The following HNF4A variants were observed in gnomAD, a reference collection of about 807,000 sequenced individuals.
HNF4A encodes the protein hepatocyte nuclear factor 4 alpha.
HNF4A carries 15 observed loss-of-function variants against 52.4 expected under a neutral mutation model. The observed-to-expected ratio is 0.29, with a 90% confidence interval of 0.19 to 0.44. The LOEUF (loss-of-function observed/expected upper bound fraction) is 0.44. Ranked by LOEUF, HNF4A falls within the 20% of genes least tolerant of loss-of-function variation. HNF4A has a pLI of 1.00. For missense variants in HNF4A, 479 were observed against 647.2 expected (o/e 0.74, Z 2.82); for synonymous variants, 280 against 264.4 (o/e 1.06, Z -0.57).
chr20:44,411,490 G>T (rs1264537898), intron 3 of HNF4A, among the ~76,000 whole-genome samples: 1 of 151,986 alleles, frequency 6.6e-6, no homozygotes, highest in African/African-American at 2.4e-5. Flanking sequence ...GCCCTGATGG[G>T]TGGGTGCGGG....
At chr20:44,394,265 T>C (rs2063332439) in intron 1 of HNF4A, among the ~76,000 whole-genome samples, 1 of 152,144 alleles carries the variant, frequency 6.6e-6, no homozygotes, top group Non-Finnish European at 1.5e-5. Context: ...TTCATTCCCA[T>C]GCTGGCTGGA....
At chr20:44,384,148 GC>G (rs2063190198) in intron 1 of HNF4A, among the ~76,000 whole-genome samples, 1 of 128,934 alleles carries the variant, frequency 7.8e-6, no homozygotes, top group Non-Finnish European at 1.7e-5. Flanking sequence ...ATCACGCCTG[GC>G]CCCTGGCTCC....
At chr20:44,422,496 T>C (rs1157400972) in intron 7 of HNF4A, among the ~76,000 whole-genome samples, 2 of 152,248 alleles carry the variant, frequency 1.3e-5, no homozygotes, top group South Asian at 2.1e-4. Context: ...ACTTCCTTTG[T>C]CCATGAAAGA....
intron 8 of HNF4A, among the ~76,000 whole-genome samples, chr20:44,427,351 T>C (rs948568450): frequency 2.0e-5 from 3 of 152,240 alleles, no homozygotes; most frequent in Non-Finnish European, 4.4e-5. Context: ...TTGTCTCATC[T>C]GTAGAATGGG....
intron 1 of HNF4A, among the ~76,000 whole-genome samples, chr20:44,356,679 T>C (rs908644005): frequency 1.3e-5 from 2 of 152,218 alleles, no homozygotes; most frequent in Non-Finnish European, 2.9e-5. Flanking sequence ...TACACACGCG[T>C]ATACGTGTAC....
chr20:44,428,046 A>G (rs558582410), intron 8 of HNF4A, among the ~76,000 whole-genome samples: 1 of 152,344 alleles, frequency 6.6e-6, no homozygotes, highest in African/African-American at 2.4e-5. Context: ...TATGTGACCA[A>G]TACACTACTC....
chr20:44,424,391 C>G (rs1421271690), intron 8 of HNF4A, 137 bp downstream of exon 8: 1 of 1,412,936 alleles, frequency 7.1e-7, no homozygotes, highest in African/African-American at 1.4e-5. Context: ...CTGTCTGTGC[C>G]TCAGTTTCCT....
intron 1 of HNF4A, among the ~76,000 whole-genome samples, chr20:44,387,793 G>T (rs1367009475): frequency 6.6e-6 from 1 of 151,994 alleles, no homozygotes; most frequent in Admixed American, 6.5e-5. Context: ...GTTGGCTGGG[G>T]TGGAGATGGA....
At chr20:44,412,648 C>T (rs1479536021) in intron 3 of HNF4A, among the ~76,000 whole-genome samples, 1 of 152,038 alleles carries the variant, frequency 6.6e-6, no homozygotes, top group African/African-American at 2.4e-5. Context: ...ACTGCAGGCG[C>T]AAGGCAGAAG....
intron 5 of HNF4A, among the ~76,000 whole-genome samples, chr20:44,416,474 C>T (rs979066442): frequency 2.0e-5 from 3 of 152,264 alleles, no homozygotes; most frequent in Admixed American, 2.0e-4. Flanking sequence ...GTGAAGGCCA[C>T]TGGAGTGACT....
chr20:44,429,978 C>G lies in HNF4A; in HGVS notation c.*313C>G, dbSNP rs1288080328. 2.6e-6 allele frequency: 1 copy of G among 384,866 alleles called. No homozygotes were observed. Among genetic ancestry groups the G allele is most frequent in the Non-Finnish European group, 4.7e-6 (1 of 210,614 alleles). 23.8% of individuals were successfully genotyped at this position (384,866 alleles called of 1,614,324 possible). On this transcript the variant is annotated 3_prime_UTR_variant, in exon 10 of 10. Coordinates refer to ENST00000316099, the MANE Select transcript of HNF4A (RefSeq NM_000457.6). ...CCCCCGACTTCATCCCAAAGGACAG[C>G]CGCCTGGAGATGACTTGAGGCCTTA...
chr20:44,416,460 C>T (rs185508890), intron 5 of HNF4A, among the ~76,000 whole-genome samples: 10 of 152,380 alleles, frequency 6.6e-5, no homozygotes, highest in Admixed American at 6.5e-4. Flanking sequence ...TTCCGCTTCG[C>T]GATGTGAAGG....
intron 1 of HNF4A, among the ~76,000 whole-genome samples, chr20:44,403,771 G>A (rs2063443470): frequency 6.6e-6 from 1 of 152,138 alleles, no homozygotes; most frequent in Admixed American, 6.5e-5. Flanking sequence ...ACACCAGGAA[G>A]CCACTTTTCC....
chr20:44,362,841 C>A (rs1369991711), intron 1 of HNF4A, among the ~76,000 whole-genome samples: 1 of 141,416 alleles, frequency 7.1e-6, no homozygotes, highest in Non-Finnish European at 1.6e-5. Context: ...TGACTCAATT[C>A]TCTTTTTTTT....
chr20:44,414,412 C>G (rs2063631089), intron 4 of HNF4A, 95 bp from the exon 5 acceptor site: 5 of 1,569,566 alleles, frequency 3.2e-6, no homozygotes, highest in Non-Finnish European at 4.4e-6. Flanking sequence ...GCCCCCTCCC[C>G]ACATCTGATT....
intron 8 of HNF4A, among the ~76,000 whole-genome samples, chr20:44,427,518 C>A (rs151077057): frequency 6.6e-6 from 1 of 152,160 alleles, no homozygotes; most frequent in South Asian, 2.1e-4. Flanking sequence ...CGCTTGCAAG[C>A]GTTGAAATTC....
intron 8 of HNF4A, among the ~76,000 whole-genome samples, chr20:44,427,873 A>G (rs146891791): frequency 1.3e-5 from 2 of 152,350 alleles, no homozygotes; most frequent in East Asian, 3.9e-4. Flanking sequence ...GAGCAGAAGC[A>G]TAGAGATAGA....
chr20:44,433,369 T>C (rs751607088), downstream of HNF4A: 1 of 156,010 alleles, frequency 6.4e-6, no homozygotes, highest in Non-Finnish European at 1.4e-5. Flanking sequence ...TTTTGTTTTG[T>C]TTTGTTTTTT....
chr20:44,414,700 T>C (rs781177868), intron 5 of HNF4A, 38 bp downstream of exon 5: 2 of 1,572,266 alleles, frequency 1.3e-6, no homozygotes, highest in East Asian at 2.3e-5. Context: ...TAGTGGGCAG[T>C]GGGCGGGGCA....
Sources: gnomAD v4.1 joint callset for allele counts (sites outside exome capture counted in the v4.1 genomes callset) on GRCh38, gnomAD v4.1.1 for gene constraint, MANE v1.5 for transcripts, NCBI Gene and HGNC (gene_info 2026-07-23, HGNC 2026-07-21) for gene names.